VWF: variants seen among roughly 807,000 people sequenced by gnomAD.
VWF encodes von Willebrand factor, also known as Factor VIII related antigen.
VWF carries 176 observed loss-of-function variants against 308.6 expected under a neutral mutation model. That is an observed-to-expected ratio of 0.57 (90% CI 0.50 to 0.65). The LOEUF is 0.65. Ranked by LOEUF, VWF falls within the 30% of genes least tolerant of loss-of-function variation. The pLI is 0.00. For synonymous variants in VWF, 1,385 were observed against 1,443.4 expected (o/e 0.96, Z 0.92); for missense variants, 3,146 against 3,648.2 (o/e 0.86, Z 3.55).
At chr12:6,076,519 C>T (rs1944846872) in intron 6 of VWF, among the ~76,000 whole-genome samples, 1 of 151,740 alleles carries the variant, frequency 6.6e-6, no homozygotes, top group South Asian at 2.1e-4. Context: ...TATATATGAT[C>T]CCCATGATTT....
intron 6 of VWF, among the ~76,000 whole-genome samples, chr12:6,091,798 C>A (rs1945037645): frequency 6.6e-6 from 1 of 152,224 alleles, no homozygotes; most frequent in South Asian, 2.1e-4. Flanking sequence ...GTAGAAATAA[C>A]TTGAGTAGCC....
chr12:5,997,270 T>C (rs1943817116), intron 34 of VWF, among the ~76,000 whole-genome samples: 1 of 152,208 alleles, frequency 6.6e-6, no homozygotes, highest in Non-Finnish European at 1.5e-5. Flanking sequence ...ACTGGCTTAC[T>C]AACATCCATG....
Position 6,036,495 on chromosome 12 carries a change from A to T in VWF, c.2443-4T>A. On this transcript the variant is annotated splice_polypyrimidine_tract_variant and splice_region_variant and intron_variant, in intron 18 of 51. Transcript: ENST00000261405. The stretch of plus-strand genomic sequence containing the variant: ...CACATCTGTTCTCATGCCGGACCTA[A>T]GAGAAAAGAATCCAAAAGTCCTCAG... The T allele has an allele frequency of 6.2e-7, 1 of 1,614,112 alleles. No individual in the cohort carries two copies. Among genetic ancestry groups the T allele is most frequent in the Non-Finnish European group, 8.5e-7 (1 of 1,179,960 alleles).
intron 13 of VWF, 63 bp downstream of exon 13, chr12:6,062,891 A>C (rs1452080456): frequency 5.1e-6 from 7 of 1,375,442 alleles, no homozygotes; most frequent in Non-Finnish European, 6.1e-6. Flanking sequence ...TTCTACCCAG[A>C]GCACAAGGGG....
At chr12:6,107,745 G>T (rs865844042) in intron 5 of VWF, among the ~76,000 whole-genome samples, 1 of 152,010 alleles carries the variant, frequency 6.6e-6, no homozygotes, top group Non-Finnish European at 1.5e-5. Context: ...TGCAAGCTCC[G>T]CCTCCAAGGT....
chr12:5,951,227 C>T (rs1397283346), intron 50 of VWF, among the ~76,000 whole-genome samples: 1 of 152,116 alleles, frequency 6.6e-6, no homozygotes, highest in Non-Finnish European at 1.5e-5. Context: ...ATTTGTGTCT[C>T]GTCTCCAAAG....
At chr12:6,101,848 A>T (rs927735455) in intron 5 of VWF, among the ~76,000 whole-genome samples, 3 of 151,964 alleles carry the variant, frequency 2.0e-5, no homozygotes, top group East Asian at 2.0e-4. Flanking sequence ...GGAGAAAAAA[A>T]TGACTGAAAA....
chr12:6,119,236 A>C (rs1187175925), intron 3 of VWF, among the ~76,000 whole-genome samples: 1 of 152,118 alleles, frequency 6.6e-6, no homozygotes, highest in African/African-American at 2.4e-5. Context: ...CCGCACCCTC[A>C]AAGTCTGGTT....
At chr12:6,005,828 C>G (rs2136397755) in intron 34 of VWF, among the ~76,000 whole-genome samples, 1 of 152,286 alleles carries the variant, frequency 6.6e-6, no homozygotes, top group South Asian at 2.1e-4. Context: ...TGAAAGAGTT[C>G]ATCACCACTA....
At chr12:6,067,523 G>A (rs866826002) in intron 10 of VWF, among the ~76,000 whole-genome samples, 9 of 152,158 alleles carry the variant, frequency 5.9e-5, no homozygotes, top group African/African-American at 1.9e-4. Context: ...CAAGTTTCTC[G>A]CAAATCAGAA....
chr12:5,994,064 AAG>A lies in VWF; in HGVS notation c.6394_6395del (p.Leu2132CysfsTer17). ...CCTGGCAGTGGGAGCTGTCGGGGAC[AAG>A]ACACTGCTCCTCCAGGATGGGCTGG... is the stretch of plus-strand genomic sequence containing the variant. ...TCQPILEEQC[L>X]VPDSSHCQVL... is the part of the protein sequence containing the mutation. On this transcript the variant is annotated frameshift_variant, in exon 37 of 52. Transcript: ENST00000261405. LOFTEE classifies it high-confidence loss of function. 2 of 1,614,188 alleles carry A rather than the reference AAG, an allele frequency of 1.2e-6. No individual in the cohort carries two copies. Among genetic ancestry groups the A allele is most frequent in the Non-Finnish European group, 1.7e-6 (2 of 1,180,034 alleles).
chr12:5,954,346 G>T (rs1591829143), intron 47 of VWF, among the ~76,000 whole-genome samples: 2 of 152,194 alleles, frequency 1.3e-5, no homozygotes, highest in Non-Finnish European at 2.9e-5. Flanking sequence ...TCCTGCAGAT[G>T]ATGATTATAA....
intron 47 of VWF, among the ~76,000 whole-genome samples, chr12:5,960,627 G>A (rs1026161517): frequency 6.6e-6 from 1 of 152,144 alleles, no homozygotes; most frequent in East Asian, 1.9e-4. Flanking sequence ...TGTGAAACAG[G>A]ATAACACGTC....
intron 37 of VWF, among the ~76,000 whole-genome samples, chr12:5,993,184 G>A (rs181405074): frequency 6.6e-6 from 1 of 152,278 alleles, no homozygotes; most frequent in East Asian, 1.9e-4. Flanking sequence ...AATAGTCGAG[G>A]ATTATATTTG....
chr12:6,084,405 C>T (rs1239766575), intron 6 of VWF, among the ~76,000 whole-genome samples: 1 of 152,194 alleles, frequency 6.6e-6, no homozygotes, highest in East Asian at 1.9e-4. Context: ...GCTGCCCCAG[C>T]CCATCCAGCC....
intron 47 of VWF, among the ~76,000 whole-genome samples, chr12:5,962,844 C>T (rs933776496): frequency 2.0e-5 from 3 of 152,106 alleles, no homozygotes; most frequent in African/African-American, 4.8e-5. Flanking sequence ...CCAGCACGCC[C>T]GGCCAGCAAT....
intron 26 of VWF, 36 bp from the exon 27 acceptor site, chr12:6,022,071 TC>T (rs944870568): frequency 3.1e-6 from 5 of 1,613,366 alleles, no homozygotes; most frequent in Admixed American, 1.7e-5. Flanking sequence ...ACCAAAACGC[TC>T]CCCTTTCCCA....
chr12:5,958,888 C>A (rs1280905520), intron 47 of VWF, among the ~76,000 whole-genome samples: 2 of 152,078 alleles, frequency 1.3e-5, no homozygotes, highest in Non-Finnish European at 1.5e-5. Flanking sequence ...TTAGATAGGA[C>A]TAGAGACAGC....
intron 25 of VWF, among the ~76,000 whole-genome samples, chr12:6,023,134 C>A (rs1031155763): frequency 6.6e-6 from 1 of 152,108 alleles, no homozygotes; most frequent in Non-Finnish European, 1.5e-5. Context: ...GTTGCCCAGG[C>A]TGGTCTTGAA....
Sources: gnomAD v4.1 joint callset for allele counts (sites outside exome capture counted in the v4.1 genomes callset) on GRCh38, gnomAD v4.1.1 for gene constraint, MANE v1.5 for transcripts, NCBI Gene and HGNC (gene_info 2026-07-23, HGNC 2026-07-21) for gene names.